THSD7A: variants seen among roughly 807,000 people sequenced by gnomAD.
The protein encoded by THSD7A is thrombospondin type 1 domain containing 7A, also known as thrombospondin type-1 domain-containing protein 7A.
THSD7A carries 96 observed loss-of-function variants against 231.3 expected under a neutral mutation model. That is an observed-to-expected ratio of 0.41 (90% CI 0.35 to 0.49). The LOEUF (loss-of-function observed/expected upper bound fraction) is 0.49. THSD7A is among the 20% of genes least tolerant of loss of function. The pLI is 0.05. For missense variants in THSD7A, 2,290 were observed against 2,070.2 expected, an observed-to-expected ratio of 1.11 and a Z score of -2.06; for synonymous variants, 940 against 743.3, an observed-to-expected ratio of 1.26 and a Z score of -4.30.
chr7:11,816,959 T>A (rs1242304873), intron 1 of THSD7A, among the ~76,000 whole-genome samples: 2 of 152,184 alleles, frequency 1.3e-5, no homozygotes, highest in Non-Finnish European at 2.9e-5. Flanking sequence ...TAATGGTGCA[T>A]CAAATTATTA....
chr7:11,389,068 A>G (rs1429486371), intron 23 of THSD7A, among the ~76,000 whole-genome samples: 1 of 152,058 alleles, frequency 6.6e-6, no homozygotes, highest in Admixed American at 6.6e-5. Context: ...GCTGAGAAGA[A>G]TGTATATTCT....
At chr7:11,488,254 G>C (rs374262903) in intron 6 of THSD7A, among the ~76,000 whole-genome samples, 1 of 152,158 alleles carries the variant, frequency 6.6e-6, no homozygotes, top group East Asian at 1.9e-4. Context: ...AATTCACATT[G>C]ACTTTTGAGA....
chr7:11,822,148 A>G (rs768112935), intron 1 of THSD7A, among the ~76,000 whole-genome samples: 6 of 152,132 alleles, frequency 3.9e-5, no homozygotes, highest in Non-Finnish European at 7.4e-5. Flanking sequence ...CCAAAATCCA[A>G]CTAACGCACA....
intron 1 of THSD7A, among the ~76,000 whole-genome samples, chr7:11,763,014 T>C (rs1782915590): frequency 1.3e-5 from 2 of 152,146 alleles, no homozygotes; most frequent in African/African-American, 2.4e-5. Context: ...GCAAACATAA[T>C]TGTATTTCTA....
chr7:11,703,166 T>G (rs560999780), intron 1 of THSD7A, among the ~76,000 whole-genome samples: 3 of 151,374 alleles, frequency 2.0e-5, no homozygotes, highest in African/African-American at 7.2e-5. Context: ...GCACGTGTGT[T>G]GTTGCACACA....
At chr7:11,566,498 G>A (rs1790332091) in intron 4 of THSD7A, among the ~76,000 whole-genome samples, 2 of 152,160 alleles carry the variant, frequency 1.3e-5, no homozygotes, top group African/African-American at 2.4e-5. Context: ...CTATGAAGGA[G>A]TACAGCAAAA....
chr7:11,584,129 C>G (rs1032028809), intron 4 of THSD7A, among the ~76,000 whole-genome samples: 7 of 152,170 alleles, frequency 4.6e-5, no homozygotes, highest in African/African-American at 1.7e-4. Context: ...ATGTGTAACA[C>G]TTTTCCTGTA....
intron 13 of THSD7A, 110 bp from the exon 14 acceptor site, chr7:11,429,235 T>G: frequency 9.5e-7 from 1 of 1,051,164 alleles, no homozygotes; most frequent in African/African-American, 1.6e-5. Context: ...GACAGCAGCA[T>G]GCAAATGCAG....
chr7:11,534,444 G>T (rs896567827), intron 6 of THSD7A, among the ~76,000 whole-genome samples: 13 of 152,134 alleles, frequency 8.5e-5, no homozygotes, highest in African/African-American at 2.9e-4. Flanking sequence ...ATTGGAGGAT[G>T]AGAGTCCATG....
At chr7:11,541,721 T>C in intron 5 of THSD7A, 90 bp from the exon 6 acceptor site, 1 of 1,232,186 alleles carries the variant, frequency 8.1e-7, no homozygotes, top group Non-Finnish European at 1.2e-6. Context: ...AAAAGTTGGA[T>C]AAGAGTGGAG....
At chr7:11,592,116 T>C (rs193161103) in intron 3 of THSD7A, among the ~76,000 whole-genome samples, 1 of 152,188 alleles carries the variant, frequency 6.6e-6, no homozygotes, top group South Asian at 2.1e-4. Context: ...GAGCCTATTA[T>C]GTGGGGAGGA....
chr7:11,477,913 C>T (rs1170452680), intron 7 of THSD7A, among the ~76,000 whole-genome samples: 1 of 152,106 alleles, frequency 6.6e-6, no homozygotes, highest in African/African-American at 2.4e-5. Flanking sequence ...TTTATATTTG[C>T]ACACTTACAT....
At chr7:11,828,074 C>T (rs1424455886) in intron 1 of THSD7A, among the ~76,000 whole-genome samples, 1 of 152,206 alleles carries the variant, frequency 6.6e-6, no homozygotes, top group Non-Finnish European at 1.5e-5. Context: ...CGACTCACGT[C>T]ACTGGCCTTC....
rs1782946868 is a variant in THSD7A at position 11,662,017 on chromosome 7, A to G, written c.191-25056T>C. 4.0e-5 allele frequency among the ~76,000 whole-genome samples: 6 copies of G among 151,372 alleles called. 1 individual carries two copies. The South Asian group carries it at 1.2e-3, about 31-fold the overall frequency. ...AAGGATTAGCTATTACATGAGAAATAGTGGCTAATAAAAATAATCAGAGAA... is the reference window on the plus strand; with the variant it reads ...AAGGATTAGCTATTACATGAGAAATGGTGGCTAATAAAAATAATCAGAGAA... On this transcript the variant is annotated intron_variant, in intron 1 of 27. Transcript: ENST00000423059.
chr7:11,688,325 A>G (rs1304213950), intron 1 of THSD7A, among the ~76,000 whole-genome samples: 2 of 151,954 alleles, frequency 1.3e-5, no homozygotes, highest in African/African-American at 4.8e-5. Context: ...ACCCAAGACC[A>G]GTTACTGGGA....
At chr7:11,711,955 T>C (rs1465990282) in intron 1 of THSD7A, among the ~76,000 whole-genome samples, 1 of 151,066 alleles carries the variant, frequency 6.6e-6, no homozygotes, top group African/African-American at 2.4e-5. Context: ...AAATAGCCTA[T>C]GGGTATCGTC....
At chr7:11,475,926 A>C (rs1441492972) in intron 7 of THSD7A, among the ~76,000 whole-genome samples, 2 of 148,972 alleles carry the variant, frequency 1.3e-5, no homozygotes, top group African/African-American at 4.9e-5. Flanking sequence ...AACAAAAATA[A>C]ATACTTTCCT....
At chr7:11,552,413 T>TA (rs1294875110) in intron 4 of THSD7A, among the ~76,000 whole-genome samples, 1 of 152,100 alleles carries the variant, frequency 6.6e-6, no homozygotes, top group Non-Finnish European at 1.5e-5. Flanking sequence ...GGCCGTTTTT[T>TA]AAAAAATAAG....
At chr7:11,543,522 A>G (rs905748577) in intron 4 of THSD7A, among the ~76,000 whole-genome samples, 1 of 152,182 alleles carries the variant, frequency 6.6e-6, no homozygotes, top group Non-Finnish European at 1.5e-5. Context: ...TTCAACATAT[A>G]TGAAAAAAAT....
Sources: allele counts gnomAD v4.1 joint callset (sites outside exome capture counted in the v4.1 genomes callset), GRCh38; gene constraint gnomAD v4.1.1; transcripts MANE v1.5; gene names NCBI Gene and HGNC (gene_info 2026-07-23, HGNC 2026-07-21).